The following TRAPPC9 variants were observed in gnomAD, a reference collection of about 807,000 sequenced individuals.
The protein encoded by TRAPPC9 is trafficking protein particle complex subunit 9.
In TRAPPC9, 83 loss-of-function variants were observed where a neutral mutation model predicts 124.0. The ratio of observed to expected loss-of-function variants is 0.67; its 90% CI spans 0.56 to 0.80. The LOEUF is 0.80. TRAPPC9 is among the 30% of genes least tolerant of loss of function. The probability of loss-of-function intolerance (pLI) is 0.00; values close to 1 mark genes in which losing one functional copy is unlikely to be tolerated. For missense variants in TRAPPC9, 1,302 were observed against 1,508.3 expected (o/e 0.86, Z 2.27); for synonymous variants, 638 against 617.5 (o/e 1.03, Z -0.49).
intron 21 of TRAPPC9, among the ~76,000 whole-genome samples, chr8:139,865,540 G>A (rs190360012): frequency 1.4e-4 from 21 of 152,278 alleles, no homozygotes; most frequent in Non-Finnish European, 2.2e-4. Flanking sequence ...GTATGTTTGA[G>A]ACCAGGCCAC....
chr8:139,835,830 C>G (rs1463888036), intron 21 of TRAPPC9, among the ~76,000 whole-genome samples: 3 of 151,942 alleles, frequency 2.0e-5, no homozygotes, highest in African/African-American at 7.2e-5. Context: ...AAGGATGAGG[C>G]TCCGAGGACG....
chr8:140,272,312 G>T (rs1234850575), intron 15 of TRAPPC9, among the ~76,000 whole-genome samples: 1 of 151,562 alleles, frequency 6.6e-6, no homozygotes, highest in African/African-American at 2.4e-5. Flanking sequence ...GGTGGTTGTG[G>T]TGGTTATAGT....
In TRAPPC9 at chr8:139,984,897, G is replaced by A. The variant is rs573310955; in HGVS notation, c.2810+3829C>T. On this transcript the variant is annotated intron_variant, in intron 19 of 22. Coordinates refer to ENST00000438773, the MANE Select transcript of TRAPPC9 (RefSeq NM_001160372.4). The surrounding 1 kb of genome is among the most constrained non-coding windows in gnomAD (Gnocchi z 4.3). ...TTCACCCAACGCTCCCACCCGGCCCGGGACAGCAAGATGCCCTTGTCAGGC... is the reference window on the plus strand; with the variant it reads ...TTCACCCAACGCTCCCACCCGGCCCAGGACAGCAAGATGCCCTTGTCAGGC... 3.9e-5 allele frequency among the ~76,000 whole-genome samples: 6 copies of A among 152,256 alleles called. No homozygotes were observed. Among genetic ancestry groups the A allele is most frequent in the African/African-American group, 1.2e-4 (5 of 41,558 alleles).
At position 139,900,174 on chromosome 8, in the gene TRAPPC9, C is replaced by T. The variant is rs6996713; in HGVS notation, c.2964+9973G>A. ...TCACAGCTTGCTTTTCCTGTTGCCGCTTCCCCTTTTAGACCCTGAGCCCGT... is the reference window on the plus strand; with the variant it reads ...TCACAGCTTGCTTTTCCTGTTGCCGTTTCCCCTTTTAGACCCTGAGCCCGT... On this transcript the variant is annotated intron_variant, in intron 20 of 22. Coordinates refer to ENST00000438773, the MANE Select transcript of TRAPPC9 (RefSeq NM_001160372.4). 8.9e-3 allele frequency among the ~76,000 whole-genome samples: 1,356 copies of T among 152,364 alleles called. 11 individuals carry two copies. The highest frequency in any genetic ancestry group is 0.031 in the African/African-American group (1,293 of 41,588).
At chr8:139,870,564 A>G (rs1828838065) in intron 21 of TRAPPC9, among the ~76,000 whole-genome samples, 2 of 152,234 alleles carry the variant, frequency 1.3e-5, no homozygotes, top group African/African-American at 4.8e-5. Flanking sequence ...GATGCATCTG[A>G]TGCATAGGTT....
intron 9 of TRAPPC9, among the ~76,000 whole-genome samples, chr8:140,358,687 C>T (rs2067830342): frequency 6.6e-6 from 1 of 152,164 alleles, no homozygotes; most frequent in African/African-American, 2.4e-5. Context: ...TTGGGAGGTG[C>T]CAGGACATGA....
chr8:140,290,551 TCG>T, intron 12 of TRAPPC9, among the ~76,000 whole-genome samples: 1 of 84,586 alleles, frequency 1.2e-5, no homozygotes, highest in East Asian at 3.6e-4. Flanking sequence ...AAGAGAAAGC[TCG>T]TGGTGGTGGT....
intron 21 of TRAPPC9, among the ~76,000 whole-genome samples, chr8:139,785,422 G>T (rs1822154483): frequency 6.6e-6 from 1 of 152,154 alleles, no homozygotes; most frequent in Non-Finnish European, 1.5e-5. Context: ...CCTTGGCCTG[G>T]CAGGGTGGCT....
chr8:139,985,816 T>A (rs184972712), intron 19 of TRAPPC9, among the ~76,000 whole-genome samples: 8 of 152,240 alleles, frequency 5.3e-5, no homozygotes, highest in African/African-American at 1.9e-4. Context: ...ATGAATAAAG[T>A]GGCATATTTA....
intron 17 of TRAPPC9, among the ~76,000 whole-genome samples, chr8:140,191,419 G>A (rs527297720): frequency 1.3e-5 from 2 of 152,296 alleles, no homozygotes; most frequent in African/African-American, 4.8e-5. Flanking sequence ...GTCCTAGTGG[G>A]AGGTGTCTGG....
At chr8:140,064,076 G>T (rs1387244673) in intron 17 of TRAPPC9, among the ~76,000 whole-genome samples, 1 of 151,854 alleles carries the variant, frequency 6.6e-6, no homozygotes, top group Non-Finnish European at 1.5e-5. Context: ...TTGTGACTCA[G>T]TGCATCAGAA....
At chr8:139,781,752 G>T (rs1449800822) in intron 21 of TRAPPC9, among the ~76,000 whole-genome samples, 2 of 152,070 alleles carry the variant, frequency 1.3e-5, no homozygotes, top group African/African-American at 4.8e-5. Context: ...GGAGGGAGGG[G>T]TATATGGGAA....
chr8:140,391,672 A>G (rs2068927193), intron 7 of TRAPPC9, among the ~76,000 whole-genome samples: 1 of 147,376 alleles, frequency 6.8e-6, no homozygotes, highest in African/African-American at 2.5e-5. Context: ...AGATCGTGCC[A>G]TTGCACTCTA....
intron 17 of TRAPPC9, among the ~76,000 whole-genome samples, chr8:140,026,169 G>A (rs989828828): frequency 1.1e-4 from 17 of 152,150 alleles, no homozygotes; most frequent in Admixed American, 6.5e-5. Context: ...GTGTTGAATC[G>A]TGGGTCAGAA....
Position 140,283,934 on chromosome 8 carries a change from A to G in TRAPPC9, c.2069T>C (p.Val690Ala). 6.2e-7 allele frequency: 1 copy of G among 1,614,058 alleles called. No individual in the cohort carries two copies. The highest frequency in any genetic ancestry group is 8.5e-7 in the Non-Finnish European group (1 of 1,180,030). ...CTGCAGTCTTGGCAACGCGGGAATG[A>G]CTTCCACTGTGGAGCCACTGGTTTT... ...GIKTSGSTVE[V>A]IPALPRLQIS... The change falls in exon 14 of 23, where the codon GTC becomes GCC. Residue 690 changes from valine (V) to alanine (A), a missense_variant. By Grantham distance (64) the Val-to-Ala change is moderately conservative (BLOSUM62 0). This residue lies in a region of TRAPPC9 where 640 missense variants were observed against 679.3 expected (regional missense o/e 0.94). Coordinates refer to ENST00000438773, the MANE Select transcript of TRAPPC9 (RefSeq NM_001160372.4).
At chr8:139,918,732 C>T (rs567142552) in intron 19 of TRAPPC9, among the ~76,000 whole-genome samples, 11 of 152,338 alleles carry the variant, frequency 7.2e-5, no homozygotes, top group African/African-American at 2.6e-4. Context: ...TATTTTAGGA[C>T]CTTTAAGTAT....
chr8:140,196,666 AAC>A (rs1255520436), intron 17 of TRAPPC9, among the ~76,000 whole-genome samples: 3 of 151,712 alleles, frequency 2.0e-5, no homozygotes, highest in South Asian at 4.2e-4. Context: ...GTAACACTAA[AAC>A]ACACTCAACA....
In TRAPPC9 at chr8:139,984,303, GCAC is replaced by G. The variant is rs1304408995; in HGVS notation, c.2810+4420_2810+4422del. ...GCCTCCCTCCCAGGTAGCAGTGAGA[GCAC>G]CACCTTCCGCTCCTGCTGGTAGCGA... On this transcript the variant is annotated intron_variant, in intron 19 of 22. Coordinates refer to ENST00000438773, the MANE Select transcript of TRAPPC9 (RefSeq NM_001160372.4). The surrounding 1 kb of genome is among the most constrained non-coding windows in gnomAD (Gnocchi z 4.3). 6.6e-6 allele frequency among the ~76,000 whole-genome samples: 1 copy of G among 152,214 alleles called. No individual in the cohort carries two copies. Among genetic ancestry groups the G allele is most frequent in the Non-Finnish European group, 1.5e-5 (1 of 68,036 alleles).
chr8:139,758,297 A>ACTCACACT (rs1476102403), intron 21 of TRAPPC9, among the ~76,000 whole-genome samples: 1 of 152,062 alleles, frequency 6.6e-6, no homozygotes, highest in African/African-American at 2.4e-5. Flanking sequence ...GTGGAATGGG[A>ACTCACACT]CTCACACTGA....
Sources: gnomAD v4.1 joint callset for allele counts (sites outside exome capture counted in the v4.1 genomes callset) on GRCh38, gnomAD v4.1.1 for gene constraint, gnomAD v4.1.1 regional missense constraint, Gnocchi (gnomAD v3.1) non-coding constraint, MANE v1.5 for transcripts, NCBI Gene and HGNC (gene_info 2026-07-23, HGNC 2026-07-21) for gene names.